The following LAMA2 variants were observed in gnomAD, a reference collection of about 807,000 sequenced individuals.
LAMA2 encodes the protein laminin subunit alpha-2.
A neutral mutation model predicts 364.8 loss-of-function variants in LAMA2; 269 were observed. The ratio of observed to expected loss-of-function variants is 0.74; its 90% CI spans 0.67 to 0.82. The LOEUF (loss-of-function observed/expected upper bound fraction) is 0.82. Ranked by LOEUF, LAMA2 falls within the 40% of genes least tolerant of loss-of-function variation. LAMA2 has a pLI of 0.00. For synonymous variants in LAMA2, 1,379 were observed against 1,370.6 expected, an observed-to-expected ratio of 1.01 and a Z score of -0.14; for missense variants, 3,807 against 3,873.2, an observed-to-expected ratio of 0.98 and a Z score of 0.45.
At position 128,904,452 on chromosome 6, in the gene LAMA2, C is replaced by CT. The variant is rs562812796; in HGVS notation, c.112+21115dup. On this transcript the variant is annotated intron_variant, in intron 1 of 64. Coordinates refer to ENST00000421865, the MANE Select transcript of LAMA2 (RefSeq NM_000426.4). ...CTGAGTTTCTTTATTTTTTTCCTTTCTTTTTTTTTTTTTTTTTTTTAAGAT... is the reference window on the plus strand; with the variant it reads ...CTGAGTTTCTTTATTTTTTTCCTTTCTTTTTTTTTTTTTTTTTTTTTAAGAT... Among the ~76,000 whole-genome samples the CT allele has an allele frequency of 5.2e-3, 619 of 119,306 alleles. 4 individuals carry two copies. The highest frequency in any genetic ancestry group is 7.5e-3 in the East Asian group (31 of 4,134). 78.3% of individuals were successfully genotyped at this position (119,306 alleles called of 152,430 possible).
intron 4 of LAMA2, among the ~76,000 whole-genome samples, chr6:129,118,617 A>G (rs1776612146): frequency 6.6e-6 from 1 of 152,236 alleles, no homozygotes. Context: ...TTAAAGATCT[A>G]TTTTGTTGCA....
At chr6:129,314,061 T>C (rs1018833752) in intron 23 of LAMA2, among the ~76,000 whole-genome samples, 1 of 152,236 alleles carries the variant, frequency 6.6e-6, no homozygotes, top group Non-Finnish European at 1.5e-5. Flanking sequence ...GAGTCTTTCA[T>C]ATTGCTCAGA....
chr6:129,430,109 C>A (rs570028357), intron 41 of LAMA2, among the ~76,000 whole-genome samples: 1 of 152,298 alleles, frequency 6.6e-6, no homozygotes, highest in South Asian at 2.1e-4. Context: ...TATGACATTT[C>A]TCTGATTTGT....
chr6:129,503,016 G>A (rs949473671), intron 59 of LAMA2, 75 bp from the exon 60 acceptor site: 79 of 1,369,390 alleles, frequency 5.8e-5, no homozygotes, highest in Admixed American at 2.7e-4. Flanking sequence ...ATGCAGCCAC[G>A]ATCTGATACC....
rs2114493808 is a variant in LAMA2 at position 129,312,863 on chromosome 6, T to C, written c.3177T>C (p.Ala1059=). ...WGHSITTGCK[A]CNCSTVGSLD... ...TGCTGTTTTTATCTCCTCTATAGGC[T>C]TGTAACTGCAGCACAGTGGGATCCT... Residue 1059 remains alanine, a splice_region_variant and synonymous_variant, in exon 23 of 65, where the codon GCT becomes GCC. Coordinates refer to ENST00000421865, the MANE Select transcript of LAMA2 (RefSeq NM_000426.4). 1 of 1,611,300 alleles carries C rather than the reference T, an allele frequency of 6.2e-7. No individual in the cohort carries two copies. Among genetic ancestry groups the C allele is most frequent in the South Asian group, 1.1e-5 (1 of 91,024 alleles).
intron 4 of LAMA2, among the ~76,000 whole-genome samples, chr6:129,138,301 C>A (rs1238817293): frequency 6.6e-6 from 1 of 151,762 alleles, no homozygotes; most frequent in East Asian, 1.9e-4. Flanking sequence ...TGCAAATGAG[C>A]AGTATTAGAA....
chr6:129,369,841 T>C, intron 33 of LAMA2, 51 bp from the exon 34 acceptor site: 1 of 1,446,106 alleles, frequency 6.9e-7, no homozygotes, highest in African/African-American at 1.4e-5. Flanking sequence ...TCGAACACTA[T>C]CACTGCAAGG....
chr6:129,423,308 G>C (rs569595367), intron 40 of LAMA2, among the ~76,000 whole-genome samples: 2 of 151,946 alleles, frequency 1.3e-5, no homozygotes, highest in Non-Finnish European at 2.9e-5. Context: ...GTACTAGAGA[G>C]ACTAACCAGT....
intron 8 of LAMA2, chr6:129,157,903 A>G (rs549442712): frequency 7.4e-6 from 12 of 1,614,220 alleles, no homozygotes; most frequent in South Asian, 1.1e-5. Context: ...GGAGCCAGGT[A>G]GCGTTTGGTG....
intron 17 of LAMA2, among the ~76,000 whole-genome samples, chr6:129,276,203 T>C (rs1788317134): frequency 6.6e-6 from 1 of 152,152 alleles, no homozygotes; most frequent in East Asian, 1.9e-4. Flanking sequence ...TGACATTGTG[T>C]AGCCACTCAA....
chr6:129,092,598 T>C (rs1017398682), intron 3 of LAMA2, among the ~76,000 whole-genome samples: 9 of 152,210 alleles, frequency 5.9e-5, no homozygotes, highest in Admixed American at 2.0e-4. Flanking sequence ...GTGCAGAACC[T>C]CTTTAGAAGT....
At chr6:129,056,204 C>T (rs996828923) in intron 2 of LAMA2, among the ~76,000 whole-genome samples, 1 of 152,120 alleles carries the variant, frequency 6.6e-6, no homozygotes, top group African/African-American at 2.4e-5. Flanking sequence ...ATTTATTTTT[C>T]TTCAGAAGAA....
rs191819285 is a variant in LAMA2, at chr6:129,158,071, C to G, written c.1206+3388C>G. ...GCAATTGCGGGCTTTCCTTGGGTGC[C>G]ATACGTTTCTGTGTGCAGGTGGCAC... On this transcript the variant is annotated intron_variant, in intron 8 of 64. Coordinates refer to ENST00000421865, the MANE Select transcript of LAMA2 (RefSeq NM_000426.4). The G allele has an allele frequency of 5.8e-4, 937 of 1,612,200 alleles. 5 individuals are homozygous for G. The African/African-American group carries it at 0.011, about 20-fold the overall frequency.
At chr6:129,337,812 A>C (rs1776039880) in intron 29 of LAMA2, among the ~76,000 whole-genome samples, 1 of 152,192 alleles carries the variant, frequency 6.6e-6, no homozygotes, top group Non-Finnish European at 1.5e-5. Context: ...TGAGAATATA[A>C]TTAAACTTCT....
At chr6:129,061,311 T>C (rs1362072659) in intron 3 of LAMA2, among the ~76,000 whole-genome samples, 1 of 152,220 alleles carries the variant, frequency 6.6e-6, no homozygotes, top group Non-Finnish European at 1.5e-5. Context: ...TGATGCTTTA[T>C]TGTTCTGGTT....
intron 4 of LAMA2, among the ~76,000 whole-genome samples, chr6:129,133,350 T>C (rs1340460299): frequency 1.3e-5 from 2 of 151,780 alleles, no homozygotes; most frequent in Non-Finnish European, 2.9e-5. Context: ...ACTCTACAGA[T>C]GAAATAAAAT....
intron 47 of LAMA2, 125 bp downstream of exon 47, chr6:129,454,413 A>T: frequency 1.4e-6 from 1 of 725,218 alleles, no homozygotes; most frequent in Non-Finnish European, 2.3e-6. Context: ...ACACATGTGT[A>T]TGAATTTTAT....
chr6:129,495,552 G>A (rs891468582), intron 58 of LAMA2, among the ~76,000 whole-genome samples: 2 of 151,928 alleles, frequency 1.3e-5, no homozygotes, highest in Admixed American at 6.6e-5. Flanking sequence ...ATTCCAAATC[G>A]GGTACCATAT....
At chr6:129,076,095 C>CA (rs1242438332) in intron 3 of LAMA2, among the ~76,000 whole-genome samples, 2 of 151,446 alleles carry the variant, frequency 1.3e-5, no homozygotes, top group East Asian at 1.9e-4. Context: ...CAAAACAAAA[C>CA]AAAAAAATTA....
Sources: allele counts gnomAD v4.1 joint callset (sites outside exome capture counted in the v4.1 genomes callset), GRCh38; gene constraint gnomAD v4.1.1; transcripts MANE v1.5; gene names NCBI Gene and HGNC (gene_info 2026-07-23, HGNC 2026-07-21).